The following MTF1 variants were observed in gnomAD, a reference collection of about 807,000 sequenced individuals.
MTF1 encodes the protein metal regulatory transcription factor 1.
Under a neutral mutation model 70.4 loss-of-function variants are expected in MTF1, and 22 were observed. That is an observed-to-expected ratio of 0.31 (90% CI 0.22 to 0.45). The LOEUF is 0.45. MTF1 is among the 20% of genes least tolerant of loss of function. The pLI is 1.00. For missense variants in MTF1, 649 were observed against 922.0 expected, an observed-to-expected ratio of 0.70 and a Z score of 3.83; for synonymous variants, 333 against 352.8, an observed-to-expected ratio of 0.94 and a Z score of 0.63.
chr1:37,844,266 T>G (rs1057078978), intron 2 of MTF1, among the ~76,000 whole-genome samples: 2 of 152,206 alleles, frequency 1.3e-5, no homozygotes, highest in African/African-American at 4.8e-5. Flanking sequence ...TTTGCAAGAC[T>G]GAATTCCTAC....
intron 2 of MTF1, among the ~76,000 whole-genome samples, chr1:37,842,663 T>C (rs1292693282): frequency 1.3e-5 from 2 of 152,204 alleles, no homozygotes; most frequent in Non-Finnish European, 2.9e-5. Context: ...ACTGATGCGG[T>C]AGAAGAAGCA....
chr1:37,857,629 G>A lies in MTF1; in HGVS notation c.30C>T (p.Ile10=). The change falls in exon 2 of 11, where the codon ATC becomes ATT. Residue 10 remains isoleucine, a synonymous_variant. Coordinates refer to ENST00000373036, the MANE Select transcript of MTF1 (RefSeq NM_005955.3). The part of the protein sequence containing the change: MGEHSPDNN[I]IYFEAEEDEL... ...CATCTTCCTCTGCCTCAAAGTAGAT[G>A]ATGTTGTTGTCTGGACTGTGTTCCC... 1 of 1,613,996 alleles carries A rather than the reference G, an allele frequency of 6.2e-7. No individual in the cohort carries two copies.
chr1:37,837,068 CT>C (rs1208432426), intron 4 of MTF1, among the ~76,000 whole-genome samples: 1 of 151,776 alleles, frequency 6.6e-6, no homozygotes, highest in Non-Finnish European at 1.5e-5. Context: ...AACACAATTC[CT>C]TTTTTTTCTG....
Position 37,835,753 on chromosome 1 carries a change from G to T in MTF1, c.780-9C>A. 6.2e-7 allele frequency: 1 copy of T among 1,612,338 alleles called. No homozygotes were observed. The highest frequency in any genetic ancestry group is 1.3e-5 in the African/African-American group (1 of 74,954). ...AGCCATCGTGATCGCACCTAAATTT[G>T]TTAAGGAAAGAGAAACAGGAGTCAT... On this transcript the variant is annotated splice_polypyrimidine_tract_variant and intron_variant, in intron 4 of 10. Transcript: ENST00000373036.
chr1:37,846,028 A>C (rs1641327579), intron 2 of MTF1, among the ~76,000 whole-genome samples: 1 of 152,216 alleles, frequency 6.6e-6, no homozygotes, highest in Admixed American at 6.5e-5. Flanking sequence ...GAAATTGCAA[A>C]AACGTGTAGG....
chr1:37,841,008 G>A, intron 2 of MTF1: 1 of 219,156 alleles, frequency 4.6e-6, no homozygotes, highest in Non-Finnish European at 9.2e-6. Flanking sequence ...AAGCTGGGCT[G>A]CCTGGTCCAG....
intron 2 of MTF1, among the ~76,000 whole-genome samples, chr1:37,852,573 C>A (rs1641432398): frequency 6.6e-6 from 1 of 152,122 alleles, no homozygotes; most frequent in Admixed American, 6.5e-5. Context: ...TGCTAAGACA[C>A]AGCAGAAACT....
chr1:37,819,485 C>T (rs1373637608), intron 9 of MTF1, among the ~76,000 whole-genome samples: 3 of 152,054 alleles, frequency 2.0e-5, no homozygotes, highest in Non-Finnish European at 2.9e-5. Context: ...TCACCCTTTT[C>T]GCTCTAGTAT....
At chr1:37,826,159 T>TA (rs1640998438) in intron 7 of MTF1, among the ~76,000 whole-genome samples, 1 of 152,232 alleles carries the variant, frequency 6.6e-6, no homozygotes. Context: ...ACTCTGCTTC[T>TA]AGAAGGCAGA....
intron 2 of MTF1, among the ~76,000 whole-genome samples, chr1:37,843,483 A>C (rs754964636): frequency 9.2e-5 from 14 of 152,186 alleles, no homozygotes; most frequent in Non-Finnish European, 1.9e-4. Context: ...ATTTGAGATA[A>C]GGATGAGTGT....
chr1:37,851,295 G>T (rs1360960803), intron 2 of MTF1, among the ~76,000 whole-genome samples: 5 of 152,200 alleles, frequency 3.3e-5, no homozygotes, highest in Non-Finnish European at 7.3e-5. Flanking sequence ...AGTGGAGTGA[G>T]CTAAATCCCC....
chr1:37,844,036 C>G (rs996167753), intron 2 of MTF1, among the ~76,000 whole-genome samples: 1 of 152,246 alleles, frequency 6.6e-6, no homozygotes, highest in Non-Finnish European at 1.5e-5. Context: ...GCATTCTTCT[C>G]ACGTCTCAGG....
chr1:37,823,516 C>G (rs1340408868), intron 8 of MTF1, among the ~76,000 whole-genome samples, 194 bp downstream of exon 8: 2 of 152,016 alleles, frequency 1.3e-5, no homozygotes, highest in Non-Finnish European at 2.9e-5. Context: ...ACAGAAGATT[C>G]TGGGAAAGGA....
intron 6 of MTF1, chr1:37,834,645 CAAT>C: frequency 4.4e-6 from 2 of 456,922 alleles, no homozygotes; most frequent in South Asian, 1.5e-5. Context: ...CAGGTTATTG[CAAT>C]AATCCAGGCA....
chr1:37,844,839 C>T (rs1194068430), intron 2 of MTF1, among the ~76,000 whole-genome samples: 1 of 152,222 alleles, frequency 6.6e-6, no homozygotes, highest in Non-Finnish European at 1.5e-5. Flanking sequence ...CTCTTCCTGA[C>T]TGACCCTTAC....
At chr1:37,831,202 G>A (rs556515281) in intron 7 of MTF1, among the ~76,000 whole-genome samples, 11 of 152,078 alleles carry the variant, frequency 7.2e-5, no homozygotes, top group African/African-American at 2.2e-4. Flanking sequence ...TGTTTTCTGC[G>A]GGAGAGTTGG....
chr1:37,857,432 C>A lies in MTF1; in HGVS notation c.227G>T (p.Gly76Val). ...TATCAGGTGAAAGCCCTCTTCACCC[C>A]CTACTAGAAAAGGCAAGTGTTCTCC... ...QCGEHLPFLV[G>V]GEEGFHLIDH... The change falls in exon 2 of 11, where the codon GGG (glycine) becomes GTG (valine). Residue 76 changes from glycine (G) to valine (V), a missense_variant. Gly to Val is a moderately radical substitution (Grantham distance 109). Coordinates refer to ENST00000373036, the MANE Select transcript of MTF1 (RefSeq NM_005955.3). 5.0e-6 allele frequency: 8 copies of A among 1,614,154 alleles called. 1 individual carries two copies. The highest frequency in any genetic ancestry group is 6.8e-6 in the Non-Finnish European group (8 of 1,180,032).
chr1:37,825,060 G>C lies in MTF1; in HGVS notation c.1069-1248C>G, dbSNP rs372639153. On this transcript the variant is annotated intron_variant, in intron 7 of 10. Transcript: ENST00000373036. ...TCTACCCCTACAGTTCGTAGGGCAA[G>C]AGTGGTAAGGGCAACTGCCTACAAA... 6.6e-5 allele frequency among the ~76,000 whole-genome samples: 10 copies of C among 152,226 alleles called. 1 individual carries two copies. Among genetic ancestry groups the C allele is most frequent in the African/African-American group, 2.4e-4 (10 of 41,526 alleles).
Position 37,857,691 on chromosome 1 carries a change from T to A in MTF1, c.-33A>T. 6.2e-7 allele frequency: 1 copy of A among 1,601,022 alleles called. No individual in the cohort carries two copies. Among genetic ancestry groups the A allele is most frequent in the Non-Finnish European group, 8.5e-7 (1 of 1,172,116 alleles). On this transcript the variant is annotated 5_prime_UTR_variant, in exon 2 of 11. Transcript: ENST00000373036. ...TTGTGCTCAGCCCAGTTGTGAGAAA[T>A]GAAAACGTAATGACTTGTCTGCAAC...
Sources: gnomAD v4.1 joint callset for allele counts (sites outside exome capture counted in the v4.1 genomes callset) on GRCh38, gnomAD v4.1.1 for gene constraint, MANE v1.5 for transcripts, NCBI Gene and HGNC (gene_info 2026-07-23, HGNC 2026-07-21) for gene names.